Variants in TOPAZ1 observed in about 807,000 individuals in gnomAD.
TOPAZ1 encodes the protein protein TOPAZ1.
A neutral mutation model predicts 172.2 loss-of-function variants in TOPAZ1; 66 were observed. That is an observed-to-expected ratio of 0.38 (90% CI 0.31 to 0.47). The LOEUF is 0.47. Among genes scored for constraint, TOPAZ1 ranks in the 20% least tolerant of loss-of-function variants. The pLI is 0.99. For synonymous variants in TOPAZ1, 681 were observed against 683.9 expected, an observed-to-expected ratio of 1.00 and a Z score of 0.07; for missense variants, 1,822 against 1,972.4, an observed-to-expected ratio of 0.92 and a Z score of 1.44.
rs1399182507 is a variant in TOPAZ1, at chr3:44,325,002, TAA to T, written c.4675+1709_4675+1710del. Among the ~76,000 whole-genome samples the T allele has an allele frequency of 4.6e-5, 7 of 152,354 alleles. No individual in the cohort carries two copies. In the East Asian group the frequency reaches 1.3e-3, roughly 29 times the overall value. Reference sequence around the variant, plus strand: ...GACTTATGCAAGTGAGGTTACGGGATAAAGAGTATTTTTGTTTTTTAAGGAAT... The same window carrying T: ...GACTTATGCAAGTGAGGTTACGGGATAGAGTATTTTTGTTTTTTAAGGAAT... On this transcript the variant is annotated intron_variant, in intron 18 of 19. Coordinates refer to ENST00000309765, the MANE Select transcript of TOPAZ1 (RefSeq NM_001145030.2).
intron 1 of TOPAZ1, 95 bp from the exon 2 acceptor site, chr3:44,242,758 A>G (rs2125674513): frequency 9.6e-7 from 1 of 1,041,380 alleles, no homozygotes; most frequent in African/African-American, 1.6e-5. Flanking sequence ...TCAGGGAAAT[A>G]AAAATGATAG....
In TOPAZ1 at chr3:44,298,923, T is replaced by TG. The variant is rs1559541921; in HGVS notation, c.3798-5092_3798-5091insG. On this transcript the variant is annotated intron_variant, in intron 12 of 19. Transcript: ENST00000309765. ...TATATATATATATTTTTTTTTTTTT[T>TG]TTTTTTTTTTTCCCCCTGAGATAGA... is the stretch of plus-strand genomic sequence containing the variant. Among the ~76,000 whole-genome samples, 66 of 47,372 alleles carry TG rather than the reference T, an allele frequency of 1.4e-3. 1 individual carries two copies. The highest frequency in any genetic ancestry group is 4.5e-3 in the African/African-American group (59 of 13,108). The allele number at this position is 47,372 out of a possible 152,430, so 31.1% of individuals were successfully genotyped here.
chr3:44,284,794 G>GA (rs1401627830), intron 9 of TOPAZ1, among the ~76,000 whole-genome samples: 1 of 152,188 alleles, frequency 6.6e-6, no homozygotes, highest in South Asian at 2.1e-4. Context: ...CAATTCAGTA[G>GA]AAAAAAGTCT....
intron 2 of TOPAZ1, among the ~76,000 whole-genome samples, chr3:44,248,917 A>T (rs1288397530): frequency 1.3e-5 from 2 of 152,176 alleles, no homozygotes; most frequent in African/African-American, 2.4e-5. Context: ...GTCATGATAG[A>T]ATGCTTATTT....
At chr3:44,274,745 G>A (rs1207020140) in intron 8 of TOPAZ1, among the ~76,000 whole-genome samples, 1 of 151,828 alleles carries the variant, frequency 6.6e-6, no homozygotes, top group African/African-American at 2.4e-5. Flanking sequence ...GTAGAGACAG[G>A]GTTTCTTCAT....
chr3:44,295,532 G>A (rs1197862630), intron 12 of TOPAZ1, among the ~76,000 whole-genome samples: 1 of 152,088 alleles, frequency 6.6e-6, no homozygotes, highest in Non-Finnish European at 1.5e-5. Flanking sequence ...TAAGGATATA[G>A]GTAGTTGAAA....
intron 17 of TOPAZ1, among the ~76,000 whole-genome samples, chr3:44,321,706 C>T (rs553658945): frequency 2.0e-5 from 3 of 152,246 alleles, no homozygotes; most frequent in South Asian, 2.1e-4. Context: ...ATGACGAAAA[C>T]GTTAACCTGA....
At position 44,241,948 on chromosome 3, in the gene TOPAZ1, G is replaced by A. The variant is rs1327390269; in HGVS notation, c.-106G>A. Reference sequence around the variant, plus strand: ...GGGCTGTGGTGACTGGCGGTGTGGGGTGGGTCAGAGGGCAGTAGGTACCTC... The same window carrying A: ...GGGCTGTGGTGACTGGCGGTGTGGGATGGGTCAGAGGGCAGTAGGTACCTC... On this transcript the variant is annotated 5_prime_UTR_variant, in exon 1 of 20. In the 5' UTR this introduces an upstream ATG that the reference lacks. Transcript: ENST00000309765. 1 of 1,045,234 alleles carries A rather than the reference G, an allele frequency of 9.6e-7. No homozygotes were observed. Among genetic ancestry groups the A allele is most frequent in the Non-Finnish European group, 1.4e-6 (1 of 733,910 alleles). 64.7% of individuals were successfully genotyped at this position (1,045,234 alleles called of 1,614,324 possible).
chr3:44,259,683 T>G (rs1699753995), intron 4 of TOPAZ1, among the ~76,000 whole-genome samples: 1 of 152,256 alleles, frequency 6.6e-6, no homozygotes, highest in African/African-American at 2.4e-5. Flanking sequence ...GAGATTGCTT[T>G]GATTTATACT....
intron 13 of TOPAZ1, among the ~76,000 whole-genome samples, chr3:44,304,387 G>A (rs753450759): frequency 2.0e-4 from 30 of 152,210 alleles, no homozygotes; most frequent in Non-Finnish European, 3.7e-4. Flanking sequence ...GGGCAGACTC[G>A]CTCAGTGCAT....
intron 16 of TOPAZ1, among the ~76,000 whole-genome samples, chr3:44,319,060 T>G (rs1385541458): frequency 6.6e-6 from 1 of 151,868 alleles, no homozygotes; most frequent in Non-Finnish European, 1.5e-5. Flanking sequence ...CCAGGGACCA[T>G]TACCCTACAC....
intron 10 of TOPAZ1, 84 bp from the exon 11 acceptor site, chr3:44,287,663 T>C: frequency 9.7e-7 from 1 of 1,028,262 alleles, no homozygotes; most frequent in African/African-American, 1.7e-5. Context: ...ACCACTTGTG[T>C]TTTTCAACAT....
chr3:44,250,211 G>A, intron 2 of TOPAZ1, among the ~76,000 whole-genome samples: 1 of 129,488 alleles, frequency 7.7e-6, no homozygotes, highest in Non-Finnish European at 1.6e-5. Context: ...CTAGAGTAGA[G>A]TAGTCTTATT....
intron 12 of TOPAZ1, among the ~76,000 whole-genome samples, chr3:44,297,377 TAAG>T (rs139515384): frequency 0.18 from 27,865 of 151,914 alleles, 2,759 homozygotes; most frequent in Middle Eastern, 0.3. Flanking sequence ...ATCTACAACA[TAAG>T]AAGAAAAACC....
At chr3:44,288,854 A>T (rs1700106149) in intron 11 of TOPAZ1, among the ~76,000 whole-genome samples, 1 of 152,196 alleles carries the variant, frequency 6.6e-6, no homozygotes, top group African/African-American at 2.4e-5. Flanking sequence ...TCATTTTTGC[A>T]TGGCTAATAT....
At chr3:44,328,688 G>C (rs1235075493) in intron 19 of TOPAZ1, among the ~76,000 whole-genome samples, 3 of 152,154 alleles carry the variant, frequency 2.0e-5, no homozygotes, top group Admixed American at 2.0e-4. Context: ...GATATAGTTA[G>C]ATGTTCAAAG....
chr3:44,312,275 C>T (rs1157966297), intron 16 of TOPAZ1, among the ~76,000 whole-genome samples: 1 of 149,474 alleles, frequency 6.7e-6, no homozygotes, highest in Non-Finnish European at 1.5e-5. Context: ...GCAGTTGCTA[C>T]CATCCGAATA....
At chr3:44,321,232 T>C in intron 17 of TOPAZ1, 41 bp downstream of exon 17, 1 of 1,421,712 alleles carries the variant, frequency 7.0e-7, no homozygotes, top group Non-Finnish European at 9.5e-7. Context: ...CTCTTGCCCA[T>C]CTGGTGTTTA....
At chr3:44,275,214 T>G (rs887353383) in intron 8 of TOPAZ1, among the ~76,000 whole-genome samples, 1 of 152,032 alleles carries the variant, frequency 6.6e-6, no homozygotes, top group Non-Finnish European at 1.5e-5. Context: ...TTGGGAACAT[T>G]TCAAATTCTT....
Sources: gnomAD v4.1 joint callset for allele counts (sites outside exome capture counted in the v4.1 genomes callset) on GRCh38, gnomAD v4.1.1 for gene constraint, MANE v1.5 for transcripts, NCBI Gene and HGNC (gene_info 2026-07-23, HGNC 2026-07-21) for gene names.